Variants in SEPTIN9 observed in about 807,000 individuals in gnomAD.
SEPTIN9 encodes septin-9.
Under a neutral mutation model 56.6 loss-of-function variants are expected in SEPTIN9, and 13 were observed. The ratio of observed to expected loss-of-function variants is 0.23; its 90% CI spans 0.15 to 0.37. The LOEUF is 0.37. Among genes scored for constraint, SEPTIN9 ranks in the 10% least tolerant of loss-of-function variants. The probability of loss-of-function intolerance (pLI) is 1.00; values close to 1 mark genes in which losing one functional copy is unlikely to be tolerated. For missense variants in SEPTIN9, 650 were observed against 823.1 expected (o/e 0.79, Z 2.57); for synonymous variants, 332 against 334.1 (o/e 0.99, Z 0.07).
At position 77,418,540 on chromosome 17, in the gene SEPTIN9, A is replaced by G. The variant is rs138117318; in HGVS notation, c.721+15837A>G. ...GTATTTTTAGCAGGGACCGGTTTTC[A>G]CCATGTTGGCCAGGCTGGTCTTGAA... is the stretch of plus-strand genomic sequence containing the variant. On this transcript the variant is annotated intron_variant, in intron 3 of 11. Transcript: ENST00000427177. 1.2e-4 allele frequency among the ~76,000 whole-genome samples: 19 copies of G among 152,054 alleles called. No individual in the cohort carries two copies. In the East Asian group the frequency reaches 3.7e-3, roughly 29 times the overall value.
chr17:77,488,698 CT>C, intron 6 of SEPTIN9, 28 bp from the exon 7 acceptor site: 1 of 1,613,080 alleles, frequency 6.2e-7, no homozygotes, highest in South Asian at 1.1e-5. Context: ...TCTCATGTGC[CT>C]GCTGACTCGT....
chr17:77,407,969 C>T (rs1278419423), intron 3 of SEPTIN9, among the ~76,000 whole-genome samples: 3 of 151,674 alleles, frequency 2.0e-5, no homozygotes, highest in East Asian at 3.9e-4. Flanking sequence ...TGGCTCAGAG[C>T]CCCCCCCACC....
intron 4 of SEPTIN9, among the ~76,000 whole-genome samples, chr17:77,484,743 T>A (rs1329811822): frequency 8.0e-5 from 5 of 62,452 alleles, no homozygotes; most frequent in African/African-American, 5.6e-4. Context: ...ATGGTGGTGG[T>A]GGTGGTTGTG....
rs2033287457 is a variant in SEPTIN9 at position 77,330,012 on chromosome 17, A to G, written c.76+22815A>G. On this transcript the variant is annotated intron_variant, in intron 2 of 11. Coordinates refer to ENST00000427177, the MANE Select transcript of SEPTIN9 (RefSeq NM_001113491.2). This position sits in a 1 kb window ranked among gnomAD's most constrained non-coding sequence, Gnocchi z 4.4. ...ACAGTCGAGCTGCAGCCCCCGCTCC[A>G]TCCCCAGCTGGGGCTCCCTGTGCTC... 3.3e-5 allele frequency among the ~76,000 whole-genome samples: 5 copies of G among 152,234 alleles called. No homozygotes were observed. The highest frequency in any genetic ancestry group is 2.1e-4 in the South Asian group (1 of 4,824).
At chr17:77,356,020 C>G (rs1163140920) in intron 2 of SEPTIN9, among the ~76,000 whole-genome samples, 2 of 151,490 alleles carry the variant, frequency 1.3e-5, no homozygotes, top group African/African-American at 4.8e-5. Context: ...AGCTCTTCCT[C>G]CTGTGGTGAG....
intron 3 of SEPTIN9, among the ~76,000 whole-genome samples, chr17:77,470,508 A>G (rs1411518108): frequency 1.3e-5 from 2 of 151,714 alleles, no homozygotes; most frequent in Non-Finnish European, 2.9e-5. Flanking sequence ...TCACTCATCT[A>G]CTCATCCACT....
chr17:77,385,499 G>A (rs1250222359), intron 2 of SEPTIN9, among the ~76,000 whole-genome samples: 2 of 152,028 alleles, frequency 1.3e-5, no homozygotes, highest in Admixed American at 6.6e-5. Flanking sequence ...GATTACAGGC[G>A]TGAGCCACTG....
chr17:77,480,136 C>T (rs995408316), intron 3 of SEPTIN9, among the ~76,000 whole-genome samples: 7 of 152,152 alleles, frequency 4.6e-5, no homozygotes, highest in South Asian at 2.1e-4. Flanking sequence ...GGGTATTGCT[C>T]TCAGCAGTGG....
At chr17:77,464,601 A>T (rs940158957) in intron 3 of SEPTIN9, among the ~76,000 whole-genome samples, 9 of 139,924 alleles carry the variant, frequency 6.4e-5, no homozygotes, top group African/African-American at 1.1e-4. Flanking sequence ...TGACACAGAA[A>T]TTTTTTTTTT....
At chr17:77,354,816 G>A (rs1384923986) in intron 2 of SEPTIN9, among the ~76,000 whole-genome samples, 5 of 152,050 alleles carry the variant, frequency 3.3e-5, no homozygotes, top group Non-Finnish European at 5.9e-5. Flanking sequence ...TGCACTTTGC[G>A]TCCTTGAGGA....
chr17:77,444,791 G>A (rs1362383857), intron 3 of SEPTIN9: 1 of 253,394 alleles, frequency 3.9e-6, no homozygotes, highest in Non-Finnish European at 8.0e-6. Flanking sequence ...AGTGAGACGG[G>A]CGGACACCAG....
At chr17:77,452,338 G>C (rs2038012170) in intron 3 of SEPTIN9, among the ~76,000 whole-genome samples, 1 of 152,230 alleles carries the variant, frequency 6.6e-6, no homozygotes, top group African/African-American at 2.4e-5. Context: ...TCAAAGCAGG[G>C]AGGGGCGAGG....
At chr17:77,295,150 G>A (rs1250304779) in intron 1 of SEPTIN9, among the ~76,000 whole-genome samples, 1 of 152,184 alleles carries the variant, frequency 6.6e-6, no homozygotes, top group Non-Finnish European at 1.5e-5. Context: ...GACGTTAATT[G>A]ATTGTAGGGA....
chr17:77,491,737 C>T (rs1472633226), intron 8 of SEPTIN9, among the ~76,000 whole-genome samples: 3 of 137,556 alleles, frequency 2.2e-5, no homozygotes, highest in South Asian at 4.6e-4. Flanking sequence ...ACCCGGGAGG[C>T]GGAGGCTTCA....
chr17:77,482,682 C>A, intron 4 of SEPTIN9: 1 of 600,728 alleles, frequency 1.7e-6, no homozygotes, highest in Non-Finnish European at 3.0e-6. Context: ...CTCACTGTTG[C>A]TCCAGCCTGG....
At position 77,487,910 on chromosome 17, in the gene SEPTIN9, C is replaced by T. The variant is rs910346035; in HGVS notation, c.1043-330C>T. Among the ~76,000 whole-genome samples the T allele has an allele frequency of 1.3e-5, 2 of 152,170 alleles. No individual in the cohort carries two copies. Among genetic ancestry groups the T allele is most frequent in the African/African-American group, 4.8e-5 (2 of 41,446 alleles). ...GTCAGGCAATCCCAGGTCCCCAAGA[C>T]GGGGACTCGCTGTGCCCACCATCCC... is the stretch of plus-strand genomic sequence containing the variant. On this transcript the variant is annotated intron_variant, in intron 5 of 11. Coordinates refer to ENST00000427177, the MANE Select transcript of SEPTIN9 (RefSeq NM_001113491.2). The surrounding 1 kb of genome is among the most constrained non-coding windows in gnomAD (Gnocchi z 4.3).
chr17:77,354,499 C>T (rs2034160295), intron 2 of SEPTIN9, among the ~76,000 whole-genome samples: 1 of 152,164 alleles, frequency 6.6e-6, no homozygotes, highest in Admixed American at 6.5e-5. Context: ...CCAAATGCTC[C>T]TGCCCAGCCT....
chr17:77,351,998 T>G (rs924500898), intron 2 of SEPTIN9, among the ~76,000 whole-genome samples: 1 of 152,104 alleles, frequency 6.6e-6, no homozygotes, highest in Non-Finnish European at 1.5e-5. Flanking sequence ...TGAGACAAAA[T>G]AAGGGCTGCC....
At chr17:77,466,629 A>G (rs424290) in intron 3 of SEPTIN9, 35,746 of 978,898 alleles carry the variant, frequency 0.037, 3,318 homozygotes, top group African/African-American at 0.32. Context: ...TGTGGAGGGT[A>G]GGCCAGGACC....
Sources: allele counts gnomAD v4.1 joint callset (sites outside exome capture counted in the v4.1 genomes callset), GRCh38; gene constraint gnomAD v4.1.1; non-coding constraint Gnocchi (gnomAD v3.1); transcripts MANE v1.5; gene names NCBI Gene and HGNC (gene_info 2026-07-23, HGNC 2026-07-21).